ZNF600: variants seen among roughly 807,000 people sequenced by gnomAD.
The protein encoded by ZNF600 is zinc finger protein KR-ZNF1.
ZNF600 carries 4 observed loss-of-function variants against 7.3 expected under a neutral mutation model. The observed-to-expected ratio is 0.55, with a 90% CI of 0.27 to 1.25. The LOEUF is 1.25. Ranked by LOEUF, ZNF600 falls within the 50% of genes most tolerant of loss-of-function variation. The pLI, the probability that ZNF600 is intolerant of heterozygous loss-of-function variation, is 0.12. For missense variants in ZNF600, 911 were observed against 922.1 expected (o/e 0.99, Z 0.16); for synonymous variants, 290 against 308.9 (o/e 0.94, Z 0.64).
chr19:52,786,887 C>G (rs559521035), upstream of ZNF600: 36 of 189,030 alleles, frequency 1.9e-4, no homozygotes, highest in South Asian at 3.4e-4. Flanking sequence ...AGAGGGAGGG[C>G]CCGGGGCGGG....
chr19:52,801,166 T>C, the ZNF600 span: 4 of 1,614,170 alleles, frequency 2.5e-6, no homozygotes, highest in Non-Finnish European at 3.4e-6. Flanking sequence ...AAAAGTGAGC[T>C]ACAATTAAAG....
At chr19:52,820,249 C>T in the ZNF600 span, among the ~76,000 whole-genome samples, 6 of 138,006 alleles carry the variant, frequency 4.3e-5, 2 homozygotes, top group African/African-American at 1.8e-4. Flanking sequence ...TCCCGAGTAG[C>T]TGGGACTACA....
At chr19:52,767,300 T>C (rs1309249131) in exon 4 of ZNF600, 1 of 1,614,158 alleles carries the variant, frequency 6.2e-7, no homozygotes, top group Non-Finnish European at 8.5e-7. Flanking sequence ...ATACTTCCTG[T>C]TTTTGTGGGA....
At chr19:52,765,183 C>T in exon 4 of ZNF600, 1 of 466,424 alleles carries the variant, frequency 2.1e-6, no homozygotes. Flanking sequence ...ACAGTTATCT[C>T]AAAAATGAAT....
chr19:52,766,447 T>C, exon 4 of ZNF600: 1 of 1,614,186 alleles, frequency 6.2e-7, no homozygotes, highest in Non-Finnish European at 8.5e-7. Context: ...TGCTCTCCAG[T>C]ATGAATTGAC....
At chr19:52,831,734 G>A in the ZNF600 span, among the ~76,000 whole-genome samples, 14 of 152,038 alleles carry the variant, frequency 9.2e-5, 1 homozygote, top group South Asian at 1.7e-3. Flanking sequence ...TCGATCTCCC[G>A]ACCTCATGAT....
At chr19:52,800,256 T>G in the ZNF600 span, 1 of 1,613,646 alleles carries the variant, frequency 6.2e-7, no homozygotes, top group Non-Finnish European at 8.5e-7. Flanking sequence ...ACTAAAAACC[T>G]TGCCACATTC....
At chr19:52,796,176 A>G in the ZNF600 span, among the ~76,000 whole-genome samples, 2 of 152,310 alleles carry the variant, frequency 1.3e-5, no homozygotes, top group South Asian at 4.1e-4. Context: ...CCCATCTCCA[A>G]TAAAAATGAC....
At chr19:52,781,670 G>A (rs2062722809) in intron 1 of ZNF600, among the ~76,000 whole-genome samples, 1 of 151,944 alleles carries the variant, frequency 6.6e-6, no homozygotes, top group Admixed American at 6.6e-5. Flanking sequence ...GGAGGCTGAC[G>A]CAAGATCACT....
At chr19:52,801,661 C>A in the ZNF600 span, 4 of 1,612,398 alleles carry the variant, frequency 2.5e-6, no homozygotes, top group South Asian at 4.4e-5. Flanking sequence ...TTGCCTTGCC[C>A]TGTTGAGAAG....
the ZNF600 span, among the ~76,000 whole-genome samples, chr19:52,825,965 G>A: frequency 2.0e-5 from 3 of 152,202 alleles, no homozygotes; most frequent in African/African-American, 7.2e-5. Flanking sequence ...TCCAGTCTGG[G>A]TGACAGGCAC....
exon 4 of ZNF600, chr19:52,766,594 A>G (rs376311696): frequency 1.9e-6 from 3 of 1,614,036 alleles, no homozygotes; most frequent in African/African-American, 2.7e-5. Context: ...CAGACCTTAC[A>G]TTTGTAAGAT....
intron 2 of ZNF600, 140 bp downstream of exon 4, chr19:52,778,686 G>A: frequency 8.5e-7 from 1 of 1,171,192 alleles, no homozygotes; most frequent in Non-Finnish European, 1.2e-6. Context: ...GCAGCTGAGA[G>A]GAACTAAGGG....
chr19:52,825,678 A>G, the ZNF600 span, among the ~76,000 whole-genome samples: 1 of 152,052 alleles, frequency 6.6e-6, no homozygotes, highest in Non-Finnish European at 1.5e-5. Flanking sequence ...CATACAAAAC[A>G]AAAAACAACA....
upstream of ZNF600, among the ~76,000 whole-genome samples, chr19:52,787,714 G>T (rs544192019): frequency 2.4e-3 from 369 of 150,826 alleles, 3 homozygotes; most frequent in African/African-American, 7.9e-3. Context: ...AAAAAAATTA[G>T]CCAAGCGTGG....
the ZNF600 span, among the ~76,000 whole-genome samples, chr19:52,812,016 G>A: frequency 2.4e-5 from 1 of 42,360 alleles, no homozygotes; most frequent in Admixed American, 1.7e-4. Context: ...GAGGGAGGTG[G>A]GGGGGACAGC....
chr19:52,810,166 G>C, the ZNF600 span: 653,352 of 951,008 alleles, frequency 0.69, 230,976 homozygotes, highest in Middle Eastern at 0.74. Context: ...ATCGAAGCTG[G>C]AGTCAGGGAG....
At chr19:52,831,313 G>A in the ZNF600 span, among the ~76,000 whole-genome samples, 2 of 151,830 alleles carry the variant, frequency 1.3e-5, no homozygotes, top group African/African-American at 4.8e-5. Context: ...GGTTTTTTCT[G>A]TTTTCTCTTT....
intron 3 of ZNF600, among the ~76,000 whole-genome samples, chr19:52,772,080 A>C (rs1179833931): frequency 6.6e-6 from 1 of 152,242 alleles, no homozygotes; most frequent in African/African-American, 2.4e-5. Context: ...TTTAAAAAGC[A>C]GGTGGACGAA....
Sources: gnomAD v4.1 joint callset for allele counts (sites outside exome capture counted in the v4.1 genomes callset) on GRCh38, gnomAD v4.1.1 for gene constraint, MANE v1.5 for transcripts, NCBI Gene and HGNC (gene_info 2026-07-23, HGNC 2026-07-21) for gene names.